The following GRIK2 variants were observed in gnomAD, a reference collection of about 807,000 sequenced individuals.
GRIK2 encodes glutamate receptor ionotropic, kainate 2.
GRIK2 carries 32 observed loss-of-function variants against 100.3 expected under a neutral mutation model. The ratio of observed to expected loss-of-function variants is 0.32; its 90% CI spans 0.24 to 0.43. GRIK2 has a LOEUF of 0.43. Ranked by LOEUF, GRIK2 falls within the 20% of genes least tolerant of loss-of-function variation. GRIK2 has a pLI of 1.00. For missense variants in GRIK2, 843 were observed against 1,114.9 expected, an observed-to-expected ratio of 0.76 and a Z score of 3.47; for synonymous variants, 417 against 389.4, an observed-to-expected ratio of 1.07 and a Z score of -0.83.
intron 14 of GRIK2, among the ~76,000 whole-genome samples, chr6:101,933,604 C>A (rs968819783): frequency 1.3e-5 from 2 of 151,918 alleles, no homozygotes; most frequent in Non-Finnish European, 2.9e-5. Flanking sequence ...TTATTATCTG[C>A]TATGTGTGCC....
intron 14 of GRIK2, among the ~76,000 whole-genome samples, chr6:101,979,192 G>A (rs1457178352): frequency 6.6e-6 from 1 of 151,942 alleles, no homozygotes; most frequent in Non-Finnish European, 1.5e-5. Context: ...AAAATAGGAA[G>A]TAGTAGTCAG....
intron 14 of GRIK2, among the ~76,000 whole-genome samples, chr6:101,952,361 C>A (rs1791653011): frequency 6.6e-6 from 1 of 152,108 alleles, no homozygotes; most frequent in Non-Finnish European, 1.5e-5. Context: ...GGGGTTTTGG[C>A]TATTTTGAGC....
chr6:101,435,562 C>T (rs1208561849), intron 2 of GRIK2, among the ~76,000 whole-genome samples: 1 of 151,990 alleles, frequency 6.6e-6, no homozygotes, highest in Non-Finnish European at 1.5e-5. Flanking sequence ...CAGGCGTCTC[C>T]CTTTTCCATG....
Position 101,658,516 on chromosome 6 carries a change from G to A in GRIK2, c.542-18107G>A, listed in dbSNP as rs148024653. Among the ~76,000 whole-genome samples the A allele has an allele frequency of 9.6e-3, 1,457 of 152,218 alleles. 11 individuals carry two copies. Among genetic ancestry groups the A allele is most frequent in the African/African-American group, 0.025 (1,018 of 41,538 alleles). On this transcript the variant is annotated intron_variant, in intron 4 of 16. Coordinates refer to ENST00000369134, the MANE Select transcript of GRIK2 (RefSeq NM_021956.5). ...GTGAATAGTGCCACAATAAACATACGTGTGCATGTGTCTTTATAGTAGAAT... is the reference window on the plus strand; with the variant it reads ...GTGAATAGTGCCACAATAAACATACATGTGCATGTGTCTTTATAGTAGAAT...
At chr6:101,838,125 T>A (rs1582347327) in intron 10 of GRIK2, among the ~76,000 whole-genome samples, 1 of 152,308 alleles carries the variant, frequency 6.6e-6, no homozygotes, top group Non-Finnish European at 1.5e-5. Flanking sequence ...TTGCTAAGTT[T>A]CCCTCAGTTT....
chr6:101,792,063 G>A (rs1472991327), intron 7 of GRIK2, among the ~76,000 whole-genome samples: 2 of 151,864 alleles, frequency 1.3e-5, no homozygotes, highest in African/African-American at 2.4e-5. Flanking sequence ...TTGCTTGGTC[G>A]ATCTTCCTCC....
At chr6:101,589,909 GT>G (rs1395640885) in intron 2 of GRIK2, among the ~76,000 whole-genome samples, 5 of 152,096 alleles carry the variant, frequency 3.3e-5, no homozygotes, top group African/African-American at 1.2e-4. Flanking sequence ...AATTCAACTT[GT>G]TTACCTACTT....
At chr6:101,770,106 T>C (rs1012507700) in intron 7 of GRIK2, among the ~76,000 whole-genome samples, 1 of 152,228 alleles carries the variant, frequency 6.6e-6, no homozygotes, top group Non-Finnish European at 1.5e-5. Flanking sequence ...TTTTTGTTTG[T>C]TCATTTTTTA....
At chr6:101,588,662 G>GCACA (rs1554224610) in intron 2 of GRIK2, among the ~76,000 whole-genome samples, 2 of 146,220 alleles carry the variant, frequency 1.4e-5, no homozygotes, top group East Asian at 2.0e-4. Context: ...TGACACACAC[G>GCACA]CACACGCACA....
At chr6:101,534,914 C>G (rs1475917) in intron 2 of GRIK2, among the ~76,000 whole-genome samples, 93,222 of 151,046 alleles carry the variant, frequency 0.62, 29,060 homozygotes, top group Middle Eastern at 0.68. Context: ...TGTACTTGAA[C>G]AGCAAAGCCA....
intron 6 of GRIK2, among the ~76,000 whole-genome samples, chr6:101,683,179 C>T (rs1000071542): frequency 2.0e-5 from 3 of 149,834 alleles, no homozygotes; most frequent in Non-Finnish European, 3.0e-5. Flanking sequence ...CCAGCCTGGG[C>T]GACAGAGCTA....
chr6:102,063,965 T>G, intron 16 of GRIK2: 1 of 1,454,750 alleles, frequency 6.9e-7, no homozygotes, highest in Non-Finnish European at 9.6e-7. Context: ...TTTTCAGGAA[T>G]CTTCTATTTG....
intron 16 of GRIK2, among the ~76,000 whole-genome samples, chr6:102,062,853 A>G (rs937881428): frequency 4.0e-5 from 6 of 150,640 alleles, no homozygotes; most frequent in African/African-American, 1.5e-4. Context: ...ACACACCAAT[A>G]TTATGTAAAA....
intron 2 of GRIK2, among the ~76,000 whole-genome samples, chr6:101,561,410 G>A (rs1562227244): frequency 2.0e-5 from 3 of 151,750 alleles, no homozygotes. Flanking sequence ...AAAAGAAGTT[G>A]GTTAAGGGAT....
chr6:101,926,437 T>A (rs1789907911), intron 13 of GRIK2, among the ~76,000 whole-genome samples: 1 of 152,136 alleles, frequency 6.6e-6, no homozygotes, highest in Non-Finnish European at 1.5e-5. Flanking sequence ...ACTTTCGTTT[T>A]AAAAGTTTCA....
At chr6:101,827,079 CAG>C (rs1349345858) in intron 10 of GRIK2, among the ~76,000 whole-genome samples, 6 of 151,638 alleles carry the variant, frequency 4.0e-5, no homozygotes, top group African/African-American at 1.2e-4. Context: ...AGGATAAAAA[CAG>C]AAACTTTTCT....
intron 12 of GRIK2, among the ~76,000 whole-genome samples, chr6:101,909,383 T>TTG (rs1426689193): frequency 1.5e-5 from 2 of 133,144 alleles, no homozygotes; most frequent in South Asian, 2.3e-4. Context: ...TTTCTTTTTC[T>TTG]TTTTTTTTTT....
intron 7 of GRIK2, among the ~76,000 whole-genome samples, chr6:101,699,346 A>T (rs1167247055): frequency 6.6e-6 from 1 of 151,906 alleles, no homozygotes; most frequent in East Asian, 1.9e-4. Flanking sequence ...ATTGACCTGG[A>T]CTCCCACTAT....
chr6:101,439,548 G>A (rs1582454451), intron 2 of GRIK2, among the ~76,000 whole-genome samples: 1 of 152,042 alleles, frequency 6.6e-6, no homozygotes, highest in East Asian at 1.9e-4. Flanking sequence ...GGGACTTAAA[G>A]CCATGATTTT....
Sources: allele counts gnomAD v4.1 joint callset (sites outside exome capture counted in the v4.1 genomes callset), GRCh38; gene constraint gnomAD v4.1.1; transcripts MANE v1.5; gene names NCBI Gene and HGNC (gene_info 2026-07-23, HGNC 2026-07-21).